Variants in EPHA6 observed in about 807,000 individuals in gnomAD.
EPHA6 encodes the protein EPH receptor A6.
In EPHA6, 50 loss-of-function variants were observed where a neutral mutation model predicts 112.0. The observed-to-expected ratio is 0.45, with a 90% CI of 0.36 to 0.56. EPHA6 has a LOEUF of 0.56. EPHA6 is among the 20% of genes least tolerant of loss of function. The pLI is 0.00. For synonymous variants in EPHA6, 529 were observed against 490.7 expected (o/e 1.08, Z -1.03); for missense variants, 1,280 against 1,417.4 (o/e 0.90, Z 1.56).
chr3:97,080,618 C>CA (rs1043488817), intron 3 of EPHA6, among the ~76,000 whole-genome samples: 1 of 151,838 alleles, frequency 6.6e-6, no homozygotes, highest in Non-Finnish European at 1.5e-5. Context: ...AATTAAACTA[C>CA]AAAAAAAGCA....
chr3:96,880,705 G>A (rs559652595), intron 2 of EPHA6, among the ~76,000 whole-genome samples: 1 of 151,766 alleles, frequency 6.6e-6, no homozygotes, highest in South Asian at 2.1e-4. Context: ...CCCACCTCAC[G>A]CGCTGGCAAA....
chr3:97,459,949 C>T (rs145413885), intron 7 of EPHA6, among the ~76,000 whole-genome samples: 1 of 152,184 alleles, frequency 6.6e-6, no homozygotes, highest in African/African-American at 2.4e-5. Context: ...CTCACCAGAA[C>T]CTTCTGAGAA....
At chr3:97,223,472 G>A (rs764853197) in intron 3 of EPHA6, among the ~76,000 whole-genome samples, 10 of 152,196 alleles carry the variant, frequency 6.6e-5, no homozygotes, top group African/African-American at 9.7e-5. Flanking sequence ...ACAAGCTTGG[G>A]TGTCCAAGAT....
intron 11 of EPHA6, among the ~76,000 whole-genome samples, chr3:97,542,862 T>C (rs973337273): frequency 5.9e-5 from 9 of 152,246 alleles, no homozygotes; most frequent in African/African-American, 2.2e-4. Context: ...TGAGCATTTT[T>C]TCGTGTGTTT....
intron 4 of EPHA6, among the ~76,000 whole-genome samples, chr3:97,229,590 C>T (rs939809374): frequency 6.6e-6 from 1 of 151,970 alleles, no homozygotes; most frequent in African/African-American, 2.4e-5. Flanking sequence ...CAAAATTTTG[C>T]TTATTTTATT....
intron 4 of EPHA6, among the ~76,000 whole-genome samples, chr3:97,232,256 A>G (rs139830489): frequency 2.6e-4 from 40 of 152,340 alleles, no homozygotes; most frequent in African/African-American, 8.7e-4. Flanking sequence ...TAAATGAGTT[A>G]ATATTTGAAA....
At chr3:96,856,256 AT>A (rs2035693007) in intron 1 of EPHA6, among the ~76,000 whole-genome samples, 1 of 151,872 alleles carries the variant, frequency 6.6e-6, no homozygotes, top group Non-Finnish European at 1.5e-5. Context: ...AAAAAAAAAA[AT>A]GGGCAGTTTA....
intron 6 of EPHA6, among the ~76,000 whole-genome samples, chr3:97,413,380 A>G (rs2087872899): frequency 2.0e-5 from 3 of 151,686 alleles, no homozygotes; most frequent in African/African-American, 7.3e-5. Context: ...AAGTATTTAC[A>G]GGGGAAAGAG....
chr3:97,199,089 G>A (rs1559792983), intron 3 of EPHA6, among the ~76,000 whole-genome samples: 1 of 152,142 alleles, frequency 6.6e-6, no homozygotes, highest in East Asian at 1.9e-4. Context: ...AGGCATATAT[G>A]AGATGAGAAA....
At chr3:97,079,724 A>G (rs1409935659) in intron 3 of EPHA6, among the ~76,000 whole-genome samples, 1 of 151,868 alleles carries the variant, frequency 6.6e-6, no homozygotes, top group Non-Finnish European at 1.5e-5. Context: ...GAAATTTTTC[A>G]TGAAAGGAAG....
intron 10 of EPHA6, among the ~76,000 whole-genome samples, chr3:97,520,889 T>G (rs2092530470): frequency 6.6e-6 from 1 of 152,126 alleles, no homozygotes; most frequent in South Asian, 2.1e-4. Flanking sequence ...GCCTTTATTA[T>G]TTTTTATTGT....
intron 2 of EPHA6, among the ~76,000 whole-genome samples, chr3:96,947,408 G>T (rs2041323557): frequency 6.6e-6 from 1 of 152,120 alleles, no homozygotes; most frequent in African/African-American, 2.4e-5. Flanking sequence ...TGGCTAGCCA[G>T]TTTTCCCAGC....
intron 16 of EPHA6, among the ~76,000 whole-genome samples, chr3:97,746,661 C>T (rs2035728136): frequency 6.6e-6 from 1 of 151,776 alleles, no homozygotes; most frequent in Admixed American, 6.6e-5. Flanking sequence ...TACTTTTATA[C>T]TTCCCCTTGC....
intron 15 of EPHA6, among the ~76,000 whole-genome samples, chr3:97,728,265 A>ATT (rs11484394): frequency 6.6e-6 from 1 of 151,906 alleles, no homozygotes; most frequent in East Asian, 1.9e-4. Flanking sequence ...AAGAAATTTC[A>ATT]TTTTTTCCCA....
At chr3:97,465,287 A>G (rs901749002) in intron 7 of EPHA6, among the ~76,000 whole-genome samples, 1 of 152,078 alleles carries the variant, frequency 6.6e-6, no homozygotes, top group Non-Finnish European at 1.5e-5. Context: ...CAATATGCAT[A>G]AGTAAACAAT....
chr3:97,019,655 T>TA (rs2044383609), intron 3 of EPHA6, among the ~76,000 whole-genome samples: 1 of 152,170 alleles, frequency 6.6e-6, no homozygotes, highest in South Asian at 2.1e-4. Context: ...TCCTTTTTCT[T>TA]AGTTGTTTCA....
intron 1 of EPHA6, among the ~76,000 whole-genome samples, chr3:96,852,595 T>G (rs1162763062): frequency 6.9e-6 from 1 of 145,106 alleles, no homozygotes; most frequent in Non-Finnish European, 1.5e-5. Context: ...TTTTGAAGTA[T>G]CTTATCCAAA....
intron 5 of EPHA6, among the ~76,000 whole-genome samples, chr3:97,375,602 T>C (rs754454757): frequency 2.5e-4 from 38 of 152,170 alleles, no homozygotes; most frequent in Non-Finnish European, 3.8e-4. Context: ...TCAGTGCATA[T>C]CCTTGGCAAT....
At chr3:97,032,371 C>G (rs1329453219) in intron 3 of EPHA6, among the ~76,000 whole-genome samples, 1 of 151,974 alleles carries the variant, frequency 6.6e-6, no homozygotes, top group East Asian at 1.9e-4. Context: ...ATGGGTGCAG[C>G]ACACCAACAT....
Sources: gnomAD v4.1 joint callset for allele counts (sites outside exome capture counted in the v4.1 genomes callset) on GRCh38, gnomAD v4.1.1 for gene constraint, MANE v1.5 for transcripts, NCBI Gene and HGNC (gene_info 2026-07-23, HGNC 2026-07-21) for gene names.